VGLL4: variants seen among roughly 807,000 people sequenced by gnomAD.
VGLL4 encodes the protein transcription cofactor vestigial-like protein 4.
A neutral mutation model predicts 21.0 loss-of-function variants in VGLL4; 7 were observed. That is an observed-to-expected ratio of 0.33 (90% CI 0.19 to 0.63). The LOEUF is 0.63. Ranked by LOEUF, VGLL4 falls within the 20% of genes least tolerant of loss-of-function variation. The pLI, the probability that VGLL4 is intolerant of heterozygous loss-of-function variation, is 0.78. For missense variants in VGLL4, 394 were observed against 425.7 expected, an observed-to-expected ratio of 0.93 and a Z score of 0.66; for synonymous variants, 222 against 173.2, an observed-to-expected ratio of 1.28 and a Z score of -2.21.
At chr3:11,648,419 CT>C (rs890877792), upstream of VGLL4, among the ~76,000 whole-genome samples, 6 of 152,116 alleles carry the variant, frequency 3.9e-5, no homozygotes, top group South Asian at 2.1e-4. Context: ...AAGGTTTTTG[CT>C]GCAAAAACTT....
rs779593854 is a variant in VGLL4, at chr3:11,558,581, CTG to C, written c.864_865del (p.His288GlnfsTer25). On this transcript the variant is annotated frameshift_variant, in exon 5 of 5. Coordinates refer to ENST00000430365, the MANE Select transcript of VGLL4 (RefSeq NM_001128219.3). LOFTEE classifies it high-confidence loss of function. ...TCAGGAGACCACAGAGGGGGAGTGA[CTG>C]TGGCTGACCATGTGGGCAGAGGGGC... is the stretch of plus-strand genomic sequence containing the variant. 4 of 1,603,234 alleles carry C rather than the reference CTG, an allele frequency of 2.5e-6. No homozygotes were observed. The highest frequency in any genetic ancestry group is 2.7e-5 in the African/African-American group (2 of 74,740).
At chr3:11,698,346 T>A (rs2076632699) in intron 2 of VGLL4, among the ~76,000 whole-genome samples, 1 of 152,014 alleles carries the variant, frequency 6.6e-6, no homozygotes, top group Admixed American at 6.6e-5. Flanking sequence ...CCTCCTCTAC[T>A]AAAATACAAA....
At chr3:11,597,371 T>C (rs933645977) in intron 2 of VGLL4, among the ~76,000 whole-genome samples, 3 of 152,162 alleles carry the variant, frequency 2.0e-5, no homozygotes, top group African/African-American at 7.2e-5. Context: ...TCTTAAGACT[T>C]TTCTTAAGAA....
At chr3:11,643,329 C>CTACA in intron 1 of VGLL4, 108 bp downstream of exon 1, 1 of 1,571,066 alleles carries the variant, frequency 6.4e-7, no homozygotes, top group South Asian at 1.1e-5. Context: ...TTCAAGTGCC[C>CTACA]TACACCCCGG....
intron 2 of VGLL4, among the ~76,000 whole-genome samples, chr3:11,598,190 A>AT (rs1021140496): frequency 4.0e-5 from 6 of 151,522 alleles, no homozygotes; most frequent in South Asian, 2.1e-4. Flanking sequence ...CACCCAGCTA[A>AT]TTTTTTTTGT....
intron 2 of VGLL4, among the ~76,000 whole-genome samples, chr3:11,687,217 A>G (rs2076461489): frequency 6.6e-6 from 1 of 152,228 alleles, no homozygotes; most frequent in Non-Finnish European, 1.5e-5. Flanking sequence ...TCAGCTTATC[A>G]ATTAAAAATA....
chr3:11,711,347 G>A (rs139835483), intron 1 of VGLL4, among the ~76,000 whole-genome samples: 15,810 of 151,822 alleles, frequency 0.1, 1,098 homozygotes, highest in South Asian at 0.14. Context: ...AGACCATCCC[G>A]GCTAACATGG....
chr3:11,718,888 T>C (rs1457455997), intron 1 of VGLL4, among the ~76,000 whole-genome samples: 1 of 152,180 alleles, frequency 6.6e-6, no homozygotes, highest in Non-Finnish European at 1.5e-5. Context: ...GATTTTTTAA[T>C]CATCTAACTT....
intron 1 of VGLL4, among the ~76,000 whole-genome samples, chr3:11,642,395 T>G (rs1274272942): frequency 2.6e-5 from 4 of 152,122 alleles, no homozygotes; most frequent in Non-Finnish European, 5.9e-5. Flanking sequence ...GTTTTTAGAT[T>G]AAAAAAATAC....
At chr3:11,561,931 ACT>A (rs1201552500) in intron 3 of VGLL4, among the ~76,000 whole-genome samples, 1 of 119,674 alleles carries the variant, frequency 8.4e-6, no homozygotes, top group East Asian at 2.4e-4. Context: ...ACAAAGTCTC[ACT>A]CTGTCGTCCA....
chr3:11,643,302 C>G lies in VGLL4; in HGVS notation c.82+135G>C, dbSNP rs137889300. 60 of 1,395,268 alleles carry G rather than the reference C, an allele frequency of 4.3e-5. No homozygotes were observed. The African/African-American group carries it at 7.7e-4, about 18-fold the overall frequency. The allele number at this position is 1,395,268 out of a possible 1,614,324, so 86.4% of individuals were successfully genotyped here. On this transcript the variant is annotated intron_variant, in intron 1 of 4. Coordinates refer to ENST00000430365, the MANE Select transcript of VGLL4 (RefSeq NM_001128219.3). ...GAACACACTCGGTGCCGAACCGAAC[C>G]TAAGAAACGCCGGCCTTTCAAGTGC...
intron 2 of VGLL4, among the ~76,000 whole-genome samples, chr3:11,589,582 G>C (rs1368870431): frequency 6.6e-6 from 1 of 152,146 alleles, no homozygotes; most frequent in Non-Finnish European, 1.5e-5. Context: ...TTAAAAATAG[G>C]TCTTATGAAA....
At chr3:11,675,864 C>G (rs1365739004) in intron 2 of VGLL4, among the ~76,000 whole-genome samples, 1 of 152,196 alleles carries the variant, frequency 6.6e-6, no homozygotes, top group Non-Finnish European at 1.5e-5. Flanking sequence ...GCCTCATTAA[C>G]AGATGTTCTG....
In VGLL4 at chr3:11,564,861, T is replaced by C. The variant is rs1559860111; in HGVS notation, c.431A>G (p.Asn144Ser). 1 of 1,608,698 alleles carries C rather than the reference T, an allele frequency of 6.2e-7. No homozygotes were observed. Among genetic ancestry groups the C allele is most frequent in the South Asian group, 1.1e-5 (1 of 90,522 alleles). The change falls in exon 3 of 5, where the codon AAC (asparagine) becomes AGC (serine). Residue 144 changes from asparagine to serine, a missense_variant. Transcript: ENST00000430365. ...GGCTGGCCTGCTGGCGTCCAGGCTG[T>C]TCTTGGTCAGTGCGAGGGGCTGCTC... The part of the protein sequence containing the change: ...GLEQPLALTK[N>S]SLDASRPAGL...
chr3:11,664,147 A>G (rs1261097836), intron 2 of VGLL4, among the ~76,000 whole-genome samples: 1 of 152,122 alleles, frequency 6.6e-6, no homozygotes, highest in African/African-American at 2.4e-5. Flanking sequence ...CTGAGGCAGG[A>G]GAATAGCTTG....
intron 2 of VGLL4, among the ~76,000 whole-genome samples, chr3:11,652,577 C>T (rs754892076): frequency 7.2e-5 from 11 of 152,112 alleles, no homozygotes; most frequent in Admixed American, 4.6e-4. Flanking sequence ...CGTGCCACCA[C>T]GCCCGGGTAA....
At chr3:11,661,778 A>G (rs1302329940) in intron 2 of VGLL4, among the ~76,000 whole-genome samples, 1 of 152,104 alleles carries the variant, frequency 6.6e-6, no homozygotes, top group Non-Finnish European at 1.5e-5. Context: ...AGCCTGAACC[A>G]ATATTTCTCT....
intron 1 of VGLL4, among the ~76,000 whole-genome samples, chr3:11,622,549 C>T (rs74380381): frequency 6.6e-6 from 1 of 152,160 alleles, no homozygotes; most frequent in Admixed American, 6.5e-5. Context: ...CAATTGTTTC[C>T]GTCTTGACAC....
intron 2 of VGLL4, among the ~76,000 whole-genome samples, chr3:11,668,568 A>T (rs2076160212): frequency 6.6e-6 from 1 of 152,196 alleles, no homozygotes; most frequent in Non-Finnish European, 1.5e-5. Flanking sequence ...GGCCTATCCC[A>T]TGGCCAGAGT....
Sources: gnomAD v4.1 joint callset for allele counts (sites outside exome capture counted in the v4.1 genomes callset) on GRCh38, gnomAD v4.1.1 for gene constraint, MANE v1.5 for transcripts, NCBI Gene and HGNC (gene_info 2026-07-23, HGNC 2026-07-21) for gene names.